MECOM: variants seen among roughly 807,000 people sequenced by gnomAD.
MECOM encodes the protein histone-lysine N-methyltransferase MECOM.
Under a neutral mutation model 116.3 loss-of-function variants are expected in MECOM, and 13 were observed. The observed-to-expected ratio is 0.11, with a 90% CI of 0.07 to 0.18. The LOEUF (loss-of-function observed/expected upper bound fraction) is 0.18, where lower values mean the gene tolerates loss of function less well. MECOM is among the 10% of genes least tolerant of loss of function. The probability of loss-of-function intolerance (pLI) is 1.00; values close to 1 mark genes in which losing one functional copy is unlikely to be tolerated. For synonymous variants in MECOM, 528 were observed against 535.2 expected, an observed-to-expected ratio of 0.99 and a Z score of 0.19; for missense variants, 1,299 against 1,509.0, an observed-to-expected ratio of 0.86 and a Z score of 2.31.
chr3:169,394,544 A>G (rs943972422), intron 1 of MECOM, among the ~76,000 whole-genome samples: 15 of 152,182 alleles, frequency 9.9e-5, no homozygotes, highest in Non-Finnish European at 2.1e-4. Flanking sequence ...AGCCTTGGAG[A>G]GGTAATGACT....
At chr3:169,452,905 A>G (rs1745840042) in intron 1 of MECOM, among the ~76,000 whole-genome samples, 1 of 152,190 alleles carries the variant, frequency 6.6e-6, no homozygotes, top group Admixed American at 6.5e-5. Context: ...GCAGCTACAT[A>G]TTTTTCCATA....
At chr3:169,161,910 C>T (rs1003568175) in intron 2 of MECOM, among the ~76,000 whole-genome samples, 7 of 152,090 alleles carry the variant, frequency 4.6e-5, no homozygotes, top group Non-Finnish European at 1.0e-4. Flanking sequence ...AACAAATTAT[C>T]CAGCCTCAGT....
At chr3:169,541,220 A>G (rs1180681935) in intron 1 of MECOM, among the ~76,000 whole-genome samples, 1 of 152,186 alleles carries the variant, frequency 6.6e-6, no homozygotes, top group Non-Finnish European at 1.5e-5. Flanking sequence ...CCCTAGGACT[A>G]TACTATGAGG....
intron 1 of MECOM, among the ~76,000 whole-genome samples, chr3:169,420,642 C>A (rs6766070): frequency 0.12 from 17,973 of 152,012 alleles, 1,351 homozygotes; most frequent in East Asian, 0.34. Context: ...GAGCCCCACT[C>A]CTCTGGTTCA....
chr3:169,409,999 T>A (rs868750371), intron 1 of MECOM, among the ~76,000 whole-genome samples: 66 of 152,204 alleles, frequency 4.3e-4, no homozygotes, highest in African/African-American at 1.5e-3. Flanking sequence ...ATACTATGGC[T>A]ACAAAAATGA....
intron 2 of MECOM, among the ~76,000 whole-genome samples, chr3:169,214,799 A>C (rs1443351968): frequency 6.7e-6 from 1 of 149,018 alleles, no homozygotes; most frequent in African/African-American, 2.4e-5. Context: ...AAAGTTCTAC[A>C]GGATTATATA....
chr3:169,137,524 T>A (rs1736729314), intron 3 of MECOM, among the ~76,000 whole-genome samples: 1 of 152,152 alleles, frequency 6.6e-6, no homozygotes, highest in South Asian at 2.1e-4. Context: ...TGGCTAAGCA[T>A]TGCCAAAGCA....
At chr3:169,384,182 C>G (rs1290024620) in intron 1 of MECOM, among the ~76,000 whole-genome samples, 1 of 152,162 alleles carries the variant, frequency 6.6e-6, no homozygotes, top group Non-Finnish European at 1.5e-5. Context: ...TTAACAAACA[C>G]TTGTTAAATA....
intron 1 of MECOM, among the ~76,000 whole-genome samples, chr3:169,481,430 A>G (rs1751266027): frequency 6.6e-6 from 1 of 152,034 alleles, no homozygotes; most frequent in South Asian, 2.1e-4. Flanking sequence ...GTACATGTCT[A>G]TAGTCCCATC....
At chr3:169,347,048 G>A (rs1245737218) in intron 2 of MECOM, among the ~76,000 whole-genome samples, 4 of 152,002 alleles carry the variant, frequency 2.6e-5, no homozygotes, top group African/African-American at 9.7e-5. Context: ...GAATGAGGAG[G>A]TTCTCTACAT....
chr3:169,090,673 A>T (rs1719424094), intron 14 of MECOM, among the ~76,000 whole-genome samples: 1 of 152,006 alleles, frequency 6.6e-6, no homozygotes. Flanking sequence ...ACACATGCCT[A>T]AAGTGACTCT....
rs1469240177 is a variant in MECOM at position 169,334,784 on chromosome 3, C to T, written c.375+46403G>A. Reference sequence around the variant, plus strand: ...AATAATCACATGTATCCCTTTGGAGCCAGTGGCCCACCAAAGGTGGAGTCT... The same window carrying T: ...AATAATCACATGTATCCCTTTGGAGTCAGTGGCCCACCAAAGGTGGAGTCT... On this transcript the variant is annotated intron_variant, in intron 2 of 16. Transcript: ENST00000651503. Among the ~76,000 whole-genome samples, 3 of 152,090 alleles carry T rather than the reference C, an allele frequency of 2.0e-5. No individual in the cohort carries two copies. In the East Asian group the frequency reaches 5.8e-4, roughly 29 times the overall value.
At chr3:169,655,771 A>T (rs1207223239) in intron 1 of MECOM, among the ~76,000 whole-genome samples, 1 of 152,224 alleles carries the variant, frequency 6.6e-6, no homozygotes, top group African/African-American at 2.4e-5. Flanking sequence ...GGATAAAAAC[A>T]TTAAACAGGA....
At chr3:169,562,792 T>C (rs1174142129) in intron 1 of MECOM, among the ~76,000 whole-genome samples, 1 of 152,106 alleles carries the variant, frequency 6.6e-6, no homozygotes, top group African/African-American at 2.4e-5. Context: ...CTGGGTGCAG[T>C]GGCTCATGCC....
chr3:169,510,874 G>A (rs1249614286), intron 1 of MECOM, among the ~76,000 whole-genome samples: 1 of 152,094 alleles, frequency 6.6e-6, no homozygotes, highest in African/African-American at 2.4e-5. Flanking sequence ...ATCCCCTGAG[G>A]GCAGACATGG....
intron 1 of MECOM, among the ~76,000 whole-genome samples, chr3:169,499,961 A>G (rs1754335941): frequency 6.6e-6 from 1 of 152,120 alleles, no homozygotes; most frequent in South Asian, 2.1e-4. Context: ...TATCTCCAGA[A>G]GAGATAAAAA....
intron 3 of MECOM, among the ~76,000 whole-genome samples, chr3:169,138,828 G>A (rs770908075): frequency 3.9e-5 from 6 of 151,990 alleles, no homozygotes; most frequent in South Asian, 2.1e-4. Context: ...TGTACTAATC[G>A]AAAGATGCAG....
intron 1 of MECOM, among the ~76,000 whole-genome samples, chr3:169,495,601 GGA>G (rs1753715093): frequency 6.6e-6 from 1 of 152,182 alleles, no homozygotes; most frequent in South Asian, 2.1e-4. Flanking sequence ...TCTAAGAAAT[GGA>G]GAGACTAGCA....
At chr3:169,445,283 G>A (rs983564826) in intron 1 of MECOM, among the ~76,000 whole-genome samples, 1 of 151,946 alleles carries the variant, frequency 6.6e-6, no homozygotes, top group Non-Finnish European at 1.5e-5. Context: ...TTTTGTGGGT[G>A]GGCCCAGGGT....
Sources: gnomAD v4.1 joint callset for allele counts (sites outside exome capture counted in the v4.1 genomes callset) on GRCh38, gnomAD v4.1.1 for gene constraint, MANE v1.5 for transcripts, NCBI Gene and HGNC (gene_info 2026-07-23, HGNC 2026-07-21) for gene names.